Variants in KCNIP1 observed in about 807,000 individuals in gnomAD.
KCNIP1 encodes the protein A-type potassium channel modulatory protein KCNIP1.
In KCNIP1, 18 loss-of-function variants were observed where a neutral mutation model predicts 33.0. That is an observed-to-expected ratio of 0.55 (90% confidence interval 0.38 to 0.81). The LOEUF is 0.81. Among genes scored for constraint, KCNIP1 ranks in the 30% least tolerant of loss-of-function variants. KCNIP1 has a pLI of 0.00. For synonymous variants in KCNIP1, 93 were observed against 98.3 expected, an observed-to-expected ratio of 0.95 and a Z score of 0.32; for missense variants, 238 against 271.6, an observed-to-expected ratio of 0.88 and a Z score of 0.87.
At chr5:170,442,399 C>T (rs369178302) in intron 1 of KCNIP1, among the ~76,000 whole-genome samples, 1 of 152,220 alleles carries the variant, frequency 6.6e-6, no homozygotes, top group Non-Finnish European at 1.5e-5. Flanking sequence ...GTCCAAGTCG[C>T]TGTCCTATTC....
intron 1 of KCNIP1, among the ~76,000 whole-genome samples, chr5:170,518,460 C>T (rs144024238): frequency 3.7e-4 from 56 of 152,282 alleles, no homozygotes; most frequent in Non-Finnish European, 2.9e-4. Flanking sequence ...CATTCCAGCA[C>T]GTGGCACAGT....
chr5:170,643,218 C>T (rs958310744), intron 1 of KCNIP1, among the ~76,000 whole-genome samples: 1 of 152,208 alleles, frequency 6.6e-6, no homozygotes, highest in African/African-American at 2.4e-5. Context: ...TGGCTGGAAG[C>T]CAGAAAAAGG....
intron 1 of KCNIP1, among the ~76,000 whole-genome samples, chr5:170,705,902 T>C (rs765588099): frequency 1.3e-5 from 2 of 152,208 alleles, no homozygotes; most frequent in Non-Finnish European, 2.9e-5. Context: ...AATAACATTT[T>C]TGAGCACCTA....
intron 1 of KCNIP1, among the ~76,000 whole-genome samples, chr5:170,384,461 T>C (rs1764383049): frequency 6.6e-6 from 1 of 152,140 alleles, no homozygotes; most frequent in Non-Finnish European, 1.5e-5. Context: ...CTTCACCAGA[T>C]TAAGAGTCCA....
chr5:170,651,883 C>T (rs1716605163), intron 1 of KCNIP1, among the ~76,000 whole-genome samples: 1 of 152,132 alleles, frequency 6.6e-6, no homozygotes, highest in Non-Finnish European at 1.5e-5. Flanking sequence ...TATTGCAATA[C>T]TATTTTATTT....
At chr5:170,695,792 G>A (rs1343512994) in intron 1 of KCNIP1, among the ~76,000 whole-genome samples, 1 of 152,084 alleles carries the variant, frequency 6.6e-6, no homozygotes, top group Non-Finnish European at 1.5e-5. Flanking sequence ...AGGCCAAGGC[G>A]GGTGGATCAT....
chr5:170,450,167 G>A (rs1188161998), intron 1 of KCNIP1, among the ~76,000 whole-genome samples: 1 of 122,544 alleles, frequency 8.2e-6, no homozygotes, highest in African/African-American at 3.1e-5. Context: ...ACCCACAAGT[G>A]TGTTGACTCA....
In KCNIP1 at chr5:170,504,258, C is replaced by T. The variant is rs1331800663; in HGVS notation, c.-315C>T. 1.8e-6 allele frequency: 2 copies of T among 1,141,238 alleles called. No individual in the cohort carries two copies. The highest frequency in any genetic ancestry group is 2.1e-6 in the Non-Finnish European group (2 of 931,200). 70.7% of individuals were successfully genotyped at this position (1,141,238 alleles called of 1,614,324 possible). A position where few individuals can be genotyped will look rare whatever the true frequency, so the allele number is the denominator to read the frequency against. ...CGGGCGGCCGCTCTGGCCCCGTGTC[C>T]AGTGCCAGGCAGGCTTCAGGGCACC... On this transcript the variant is annotated 5_prime_UTR_variant, in exon 1 of 8. Coordinates refer to ENST00000328939, the MANE Select transcript of KCNIP1 (RefSeq NM_014592.4). The surrounding 1 kb of genome is among the most constrained non-coding windows in gnomAD (Gnocchi z 6.0).
At chr5:170,734,211 G>A (rs1408524206) in intron 7 of KCNIP1, among the ~76,000 whole-genome samples, 3 of 150,736 alleles carry the variant, frequency 2.0e-5, no homozygotes, top group Non-Finnish European at 4.4e-5. Context: ...CCTGCCTCTG[G>A]CTTGATGACC....
At chr5:170,477,708 C>T (rs1355876258) in intron 1 of KCNIP1, among the ~76,000 whole-genome samples, 1 of 152,150 alleles carries the variant, frequency 6.6e-6, no homozygotes, top group Non-Finnish European at 1.5e-5. Context: ...TCCCAAAGTG[C>T]TGGGATTAGA....
At chr5:170,384,042 T>C (rs1764366126) in intron 1 of KCNIP1, among the ~76,000 whole-genome samples, 1 of 152,176 alleles carries the variant, frequency 6.6e-6, no homozygotes, top group African/African-American at 2.4e-5. Context: ...TTGTAGAAGC[T>C]GGATGGGGTC....
At position 170,655,562 on chromosome 5, in the gene KCNIP1, T is replaced by C. The variant is rs1256729681; in HGVS notation, c.62-63196T>C. Among the ~76,000 whole-genome samples, 3 of 152,212 alleles carry C rather than the reference T, an allele frequency of 2.0e-5. No individual in the cohort carries two copies. In the East Asian group the frequency reaches 5.8e-4, roughly 29 times the overall value. ...CCTTCACCAAGGCAGGTCCTAGATG[T>C]GTTGCTAGGCATTTGGAGTTTACTG... On this transcript the variant is annotated intron_variant, in intron 1 of 7. Transcript: ENST00000328939.
chr5:170,625,821 C>T (rs905825), intron 1 of KCNIP1, among the ~76,000 whole-genome samples: 72,356 of 151,938 alleles, frequency 0.48, 17,812 homozygotes, highest in East Asian at 0.67. Context: ...AAACATGATG[C>T]TTAGAGATTA....
At chr5:170,491,251 G>A (rs1451538533) in intron 1 of KCNIP1, among the ~76,000 whole-genome samples, 1 of 152,176 alleles carries the variant, frequency 6.6e-6, no homozygotes, top group African/African-American at 2.4e-5. Context: ...ATCAATGGTA[G>A]ATGAATGAAT....
intron 1 of KCNIP1, among the ~76,000 whole-genome samples, chr5:170,668,655 C>T (rs1420156147): frequency 6.6e-6 from 1 of 152,200 alleles, no homozygotes; most frequent in Non-Finnish European, 1.5e-5. Context: ...AGTTGGGAAA[C>T]CATGATGGTG....
At chr5:170,578,973 C>T (rs1206430524) in intron 1 of KCNIP1, among the ~76,000 whole-genome samples, 1 of 152,132 alleles carries the variant, frequency 6.6e-6, no homozygotes, top group Non-Finnish European at 1.5e-5. Flanking sequence ...AAAGCCATGA[C>T]TGGAGCATAG....
At chr5:170,455,907 C>G (rs564669256) in intron 1 of KCNIP1, among the ~76,000 whole-genome samples, 1 of 152,298 alleles carries the variant, frequency 6.6e-6, no homozygotes, top group South Asian at 2.1e-4. Flanking sequence ...ATGGCGATTC[C>G]TCAAGGATCT....
At chr5:170,613,059 C>T (rs577359579) in intron 1 of KCNIP1, among the ~76,000 whole-genome samples, 10 of 152,360 alleles carry the variant, frequency 6.6e-5, no homozygotes, top group Non-Finnish European at 1.2e-4. Context: ...TGCCTCTCCT[C>T]TGTTGAAGAC....
At chr5:170,405,037 T>G (rs1309122945) in intron 1 of KCNIP1, among the ~76,000 whole-genome samples, 3 of 152,208 alleles carry the variant, frequency 2.0e-5, no homozygotes, top group African/African-American at 7.2e-5. Context: ...TAATTTTGAT[T>G]GTTTCCTTGG....
Sources: allele counts gnomAD v4.1 joint callset (sites outside exome capture counted in the v4.1 genomes callset), GRCh38; gene constraint gnomAD v4.1.1; non-coding constraint Gnocchi (gnomAD v3.1); transcripts MANE v1.5; gene names NCBI Gene and HGNC (gene_info 2026-07-23, HGNC 2026-07-21).